The following TEX264 variants were observed in gnomAD, a reference collection of about 807,000 sequenced individuals.
The protein encoded by TEX264 is testis-expressed protein 264.
Under a neutral mutation model 23.4 loss-of-function variants are expected in TEX264, and 13 were observed. The observed-to-expected ratio is 0.56, with a 90% CI of 0.36 to 0.88. The LOEUF is 0.88. Among genes scored for constraint, TEX264 ranks in the 40% least tolerant of loss-of-function variants. The probability of loss-of-function intolerance (pLI) is 0.01; values close to 1 mark genes in which losing one functional copy is unlikely to be tolerated. For missense variants in TEX264, 340 were observed against 406.8 expected (o/e 0.84, Z 1.41); for synonymous variants, 159 against 170.0 (o/e 0.94, Z 0.50).
intron 3 of TEX264, among the ~76,000 whole-genome samples, chr3:51,693,604 C>T (rs935124815): frequency 6.6e-6 from 1 of 151,914 alleles, no homozygotes; most frequent in Admixed American, 6.6e-5. Flanking sequence ...CTCAGCCTCC[C>T]AAGTAGCTGG....
chr3:51,704,091 T>G lies in TEX264; in HGVS notation c.*75T>G. ...CTCTCCAGCAGACTCTCCAGCCCTC[T>G]TCCTCCTTCCTCTGGGGGAGGAGGG... On this transcript the variant is annotated 3_prime_UTR_variant, in exon 5 of 5. Coordinates refer to ENST00000341333, the MANE Select transcript of TEX264 (RefSeq NM_015926.6). 14 of 1,259,048 alleles carry G rather than the reference T, an allele frequency of 1.1e-5. No individual in the cohort carries two copies. The highest frequency in any genetic ancestry group is 1.5e-5 in the African/African-American group (1 of 66,752). 78.0% of individuals were successfully genotyped at this position (1,259,048 alleles called of 1,614,324 possible).
chr3:51,694,291 T>C (rs1702973288), intron 3 of TEX264, among the ~76,000 whole-genome samples: 1 of 151,928 alleles, frequency 6.6e-6, no homozygotes, highest in Admixed American at 6.6e-5. Flanking sequence ...TCACCACACC[T>C]GGTTAATTTT....
chr3:51,689,615 C>G (rs1393995795), intron 3 of TEX264, among the ~76,000 whole-genome samples: 1 of 152,096 alleles, frequency 6.6e-6, no homozygotes, highest in Non-Finnish European at 1.5e-5. Context: ...TGGAGTAGTT[C>G]TGCCTGTGAG....
chr3:51,697,380 G>A (rs1041098121), intron 3 of TEX264, among the ~76,000 whole-genome samples: 4 of 152,182 alleles, frequency 2.6e-5, no homozygotes, highest in South Asian at 4.1e-4. Flanking sequence ...GTTGAGAGGG[G>A]TTGGGCTAGG....
At chr3:51,702,140 A>G (rs1297905264) in intron 4 of TEX264, among the ~76,000 whole-genome samples, 10 of 152,156 alleles carry the variant, frequency 6.6e-5, no homozygotes, top group African/African-American at 1.9e-4. Flanking sequence ...GGGTGGGCAG[A>G]CAGAACATAC....
chr3:51,703,965 G>A lies in TEX264; in HGVS notation c.891G>A (p.Gly297=), dbSNP rs775256785. The A allele has an allele frequency of 1.3e-6, 2 of 1,571,608 alleles. No individual in the cohort carries two copies. Among genetic ancestry groups the A allele is most frequent in the Non-Finnish European group, 1.7e-6 (2 of 1,154,018 alleles). The part of the protein sequence containing the change: ...SRLDPGTEPL[G]TTKWLWEPTA... ...TGGACCCTGGGACTGAGCCCCTGGG[G>A]ACTACCAAGTGGCTCTGGGAGCCCA... The change falls in exon 5 of 5, where the codon GGG becomes GGA. Residue 297 remains glycine, a synonymous_variant. Transcript: ENST00000341333. This position sits in a 1 kb window ranked among gnomAD's most constrained non-coding sequence, Gnocchi z 4.8.
intron 1 of TEX264, among the ~76,000 whole-genome samples, chr3:51,673,780 G>A (rs918730589): frequency 6.6e-6 from 1 of 152,202 alleles, no homozygotes. Flanking sequence ...CCTGTCGTTA[G>A]TAAGTGTTTG....
At chr3:51,694,070 C>CTTCCTTCCTTCCTT (rs1553697551) in intron 3 of TEX264, among the ~76,000 whole-genome samples, 1 of 102,448 alleles carries the variant, frequency 9.8e-6, no homozygotes, top group Non-Finnish European at 2.0e-5. Context: ...CCTTCCCTTC[C>CTTCCTTCCTTCCTT]CCTTCCTTCC....
intron 1 of TEX264, chr3:51,671,943 G>A (rs1021538627): frequency 3.3e-5 from 5 of 152,270 alleles, no homozygotes; most frequent in African/African-American, 4.8e-5. Context: ...GAGCGGAGGG[G>A]GAGCCGAGGC....
In TEX264 at chr3:51,703,241, C is replaced by T. The variant is rs1703380859; in HGVS notation, c.650-483C>T. Among the ~76,000 whole-genome samples, 1 of 152,184 alleles carries T rather than the reference C, an allele frequency of 6.6e-6. No homozygotes were observed. The highest frequency in any genetic ancestry group is 1.5e-5 in the Non-Finnish European group (1 of 68,026). ...GGGAGGGCTGCAGAGGGGCCTCCTG[C>T]TGCATTCTGCAGTCCTCGTGCCCTG... On this transcript the variant is annotated intron_variant, in intron 4 of 4. Coordinates refer to ENST00000341333, the MANE Select transcript of TEX264 (RefSeq NM_015926.6). The surrounding 1 kb of genome is among the most constrained non-coding windows in gnomAD (Gnocchi z 4.8).
rs576532817 is a variant in TEX264 at position 51,694,174 on chromosome 3, C to T, written c.481-5232C>T. Among the ~76,000 whole-genome samples, 7 of 148,942 alleles carry T rather than the reference C, an allele frequency of 4.7e-5. No homozygotes were observed. The East Asian group carries it at 7.9e-4, about 17-fold the overall frequency. On this transcript the variant is annotated intron_variant, in intron 3 of 4. Coordinates refer to ENST00000341333, the MANE Select transcript of TEX264 (RefSeq NM_015926.6). ...TTCTTTCTTGTTTTGCTCTGTTGCC[C>T]GGGCTGGAGTGCAGTGGCGCGATCT...
chr3:51,674,537 C>A lies in TEX264; in HGVS notation c.233C>A (p.Ala78Asp). 1 of 1,614,168 alleles carries A rather than the reference C, an allele frequency of 6.2e-7. No individual in the cohort carries two copies. Among genetic ancestry groups the A allele is most frequent in the Non-Finnish European group, 8.5e-7 (1 of 1,180,036 alleles). Residue 78 changes from alanine to aspartate, a missense_variant, in exon 2 of 5, where the codon GCT becomes GAT. Ala to Asp is a moderately radical substitution (Grantham distance 126). Transcript: ENST00000341333. ...CSISPKLRSI[A>D]VYYDNPHMVP... ...ATCTCTCCCAAGCTCCGCTCCATCG[C>A]TGTCTACTATGACAACCCCCACATG...
chr3:51,672,772 C>G (rs1702093953), intron 1 of TEX264, among the ~76,000 whole-genome samples: 1 of 152,190 alleles, frequency 6.6e-6, no homozygotes, highest in Non-Finnish European at 1.5e-5. Flanking sequence ...GAACCTTTAG[C>G]CTTACCTACC....
chr3:51,678,067 G>A (rs1487918632), intron 2 of TEX264, among the ~76,000 whole-genome samples: 2 of 152,166 alleles, frequency 1.3e-5, no homozygotes, highest in East Asian at 1.9e-4. Context: ...ACATGTAGGC[G>A]GATGTCAGTC....
At chr3:51,677,142 T>A (rs1702258447) in intron 2 of TEX264, among the ~76,000 whole-genome samples, 1 of 152,170 alleles carries the variant, frequency 6.6e-6, no homozygotes, top group Non-Finnish European at 1.5e-5. Flanking sequence ...ACACTCCATA[T>A]TATGGAGGGA....
chr3:51,688,387 G>A (rs1020946795), intron 3 of TEX264, among the ~76,000 whole-genome samples: 1 of 152,228 alleles, frequency 6.6e-6, no homozygotes, highest in Non-Finnish European at 1.5e-5. Flanking sequence ...GGAATTCGAT[G>A]TGTGGGATTG....
intron 2 of TEX264, among the ~76,000 whole-genome samples, chr3:51,680,634 T>C (rs950600247): frequency 6.6e-6 from 1 of 152,256 alleles, no homozygotes; most frequent in Non-Finnish European, 1.5e-5. Flanking sequence ...CACTGCCCTG[T>C]TTCCCAGATG....
At chr3:51,675,462 T>C (rs1702198830) in intron 2 of TEX264, among the ~76,000 whole-genome samples, 1 of 152,198 alleles carries the variant, frequency 6.6e-6, no homozygotes, top group Admixed American at 6.5e-5. Context: ...GCTGACCGGC[T>C]TACTGGGGCA....
At chr3:51,695,601 C>T (rs1019226168) in intron 3 of TEX264, among the ~76,000 whole-genome samples, 3 of 152,194 alleles carry the variant, frequency 2.0e-5, no homozygotes, top group Admixed American at 6.5e-5. Context: ...CTGTGGGTCC[C>T]GTGGGGGAAA....
Sources: gnomAD v4.1 joint callset for allele counts (sites outside exome capture counted in the v4.1 genomes callset) on GRCh38, gnomAD v4.1.1 for gene constraint, Gnocchi (gnomAD v3.1) non-coding constraint, MANE v1.5 for transcripts, NCBI Gene and HGNC (gene_info 2026-07-23, HGNC 2026-07-21) for gene names.